Variants in SIK3 observed in about 807,000 individuals in gnomAD.
The protein encoded by SIK3 is SIK family kinase 3.
Under a neutral mutation model 144.2 loss-of-function variants are expected in SIK3, and 28 were observed. The ratio of observed to expected loss-of-function variants is 0.19; its 90% CI spans 0.14 to 0.27. The LOEUF is 0.27. SIK3 is among the 10% of genes least tolerant of loss of function. The probability of loss-of-function intolerance (pLI) is 1.00; values close to 1 mark genes in which losing one functional copy is unlikely to be tolerated. For synonymous variants in SIK3, 686 were observed against 676.3 expected (o/e 1.01, Z -0.22); for missense variants, 1,319 against 1,776.0 (o/e 0.74, Z 4.62).
intron 1 of SIK3, among the ~76,000 whole-genome samples, chr11:117,058,497 G>A (rs1953643956): frequency 7.0e-6 from 1 of 142,760 alleles, no homozygotes; most frequent in Non-Finnish European, 1.5e-5. Flanking sequence ...TCCAGCCCGG[G>A]CAACAGAGCG....
intron 21 of SIK3, among the ~76,000 whole-genome samples, chr11:116,854,006 C>A (rs1445875720): frequency 6.6e-6 from 1 of 152,166 alleles, no homozygotes; most frequent in Admixed American, 6.5e-5. Context: ...GGTGGCAAAT[C>A]GCCATCAAGG....
rs750874731 is a variant in SIK3, at chr11:116,858,725, A to T, written c.2766-26T>A. On this transcript the variant is annotated intron_variant, in intron 20 of 24. Coordinates refer to ENST00000445177, the MANE Select transcript of SIK3 (RefSeq NM_001366686.3). This position sits in a 1 kb window ranked among gnomAD's most constrained non-coding sequence, Gnocchi z 5.4. ...CTGCAGACACAAAAGGGAGTACCAG[A>T]CATCCATGTAACAAGTACTAGACTT... 4 of 1,520,840 alleles carry T rather than the reference A, an allele frequency of 2.6e-6. No individual in the cohort carries two copies. In the South Asian group the frequency reaches 5.3e-5, roughly 20 times the overall value. The allele number at this position is 1,520,840 out of a possible 1,614,324, so 94.2% of individuals were successfully genotyped here.
chr11:116,876,934 T>C lies in SIK3; in HGVS notation c.974A>G (p.Asn325Ser). Residue 325 changes from asparagine to serine, a missense_variant, in exon 7 of 25, where the codon AAC becomes AGC. Physicochemically the swap from Asn to Ser is conservative, Grantham distance 46 (BLOSUM62 1). This residue lies in a region of SIK3 where 34 missense variants were observed against 56.1 expected (regional missense o/e 0.61). Coordinates refer to ENST00000445177, the MANE Select transcript of SIK3 (RefSeq NM_001366686.3). Reference protein sequence around the residue: ...KWMKLGDADPNFDRLIAECQQ... With the variant: ...KWMKLGDADPSFDRLIAECQQ... ...CGGTTCCCAGCTCACCCTGTCAAAG[T>C]TGGGATCGGCGTCCCCTAGCTTCAT... is the stretch of plus-strand genomic sequence containing the variant. 1 of 1,614,022 alleles carries C rather than the reference T, an allele frequency of 6.2e-7. No homozygotes were observed. Among genetic ancestry groups the C allele is most frequent in the African/African-American group, 1.3e-5 (1 of 75,038 alleles).
chr11:117,095,398 G>A (rs1955431386), intron 1 of SIK3, among the ~76,000 whole-genome samples: 1 of 151,868 alleles, frequency 6.6e-6, no homozygotes, highest in South Asian at 2.1e-4. Flanking sequence ...AACAACAAAT[G>A]ACACATTCTG....
intron 24 of SIK3, among the ~76,000 whole-genome samples, chr11:116,845,901 T>G (rs898761653): frequency 6.6e-6 from 1 of 152,210 alleles, no homozygotes; most frequent in South Asian, 2.1e-4. Flanking sequence ...CTTTCTACCA[T>G]GGGCCTCTCA....
intron 1 of SIK3, among the ~76,000 whole-genome samples, chr11:117,013,915 G>GGGGTGTGTGT (rs1206309055): frequency 5.5e-4 from 13 of 23,630 alleles, no homozygotes; most frequent in Admixed American, 1.8e-3. Context: ...GGGGGGGGAG[G>GGGGTGTGTGT]GTGTGTGTGT....
chr11:116,934,546 G>A (rs746694464), intron 3 of SIK3, among the ~76,000 whole-genome samples: 1 of 152,194 alleles, frequency 6.6e-6, no homozygotes, highest in Non-Finnish European at 1.5e-5. Context: ...AGAGTTTTGA[G>A]ACAACACAAT....
chr11:117,029,090 G>A (rs1952145994), intron 1 of SIK3, among the ~76,000 whole-genome samples: 1 of 152,086 alleles, frequency 6.6e-6, no homozygotes, highest in Non-Finnish European at 1.5e-5. Flanking sequence ...GGTATTTTTA[G>A]TGGAGACAAG....
chr11:116,850,023 T>C (rs563302949), intron 21 of SIK3, among the ~76,000 whole-genome samples: 6 of 152,288 alleles, frequency 3.9e-5, no homozygotes, highest in Middle Eastern at 6.8e-3. Flanking sequence ...CCTTCAGACA[T>C]TGTCGTTTTG....
At chr11:117,038,440 T>A (rs1952605319) in intron 1 of SIK3, among the ~76,000 whole-genome samples, 2 of 150,372 alleles carry the variant, frequency 1.3e-5, no homozygotes. Flanking sequence ...CACCACAGCC[T>A]CTGCCTCCCA....
At chr11:117,042,126 G>A (rs1015296242) in intron 1 of SIK3, among the ~76,000 whole-genome samples, 2 of 152,028 alleles carry the variant, frequency 1.3e-5, no homozygotes, top group Admixed American at 6.6e-5. Context: ...AACTGACTTC[G>A]AGGGTTACAG....
At chr11:116,868,345 C>A (rs560372928) in intron 14 of SIK3, among the ~76,000 whole-genome samples, 1 of 152,328 alleles carries the variant, frequency 6.6e-6, no homozygotes, top group South Asian at 2.1e-4. Flanking sequence ...AGATCTAGCT[C>A]ACAAAGATGA....
rs1407841085 is a variant in SIK3 at position 117,056,590 on chromosome 11, TATAGATATA to T, written c.273+41544_273+41552del. 8.9e-5 allele frequency among the ~76,000 whole-genome samples: 11 copies of T among 123,138 alleles called. No homozygotes were observed. The South Asian group carries it at 2.2e-3, about 25-fold the overall frequency. The allele number at this position is 123,138 out of a possible 152,430, so 80.8% of individuals were successfully genotyped here. A position where few individuals can be genotyped will look rare whatever the true frequency, so the allele number is the denominator to read the frequency against. ...ATATAGATATAGATATAGATATAGA[TATAGATATA>T]AAGTCCCCAAGAAGAAGTGGCAGAA... On this transcript the variant is annotated intron_variant, in intron 1 of 24. Coordinates refer to ENST00000445177, the MANE Select transcript of SIK3 (RefSeq NM_001366686.3).
intron 1 of SIK3, among the ~76,000 whole-genome samples, chr11:117,058,364 A>G (rs1461572728): frequency 1.3e-5 from 2 of 152,026 alleles, no homozygotes; most frequent in East Asian, 3.9e-4. Flanking sequence ...TGCTAAAAAT[A>G]CAGAAAGTAG....
intron 4 of SIK3, among the ~76,000 whole-genome samples, chr11:116,918,566 G>C (rs1044892327): frequency 5.3e-5 from 8 of 152,126 alleles, no homozygotes; most frequent in Non-Finnish European, 1.0e-4. Flanking sequence ...AAAAGTAATA[G>C]AGAAGTCACT....
At chr11:116,940,239 T>TG (rs886190725) in intron 3 of SIK3, among the ~76,000 whole-genome samples, 1 of 151,130 alleles carries the variant, frequency 6.6e-6, no homozygotes, top group African/African-American at 2.4e-5. Flanking sequence ...TTGTTTTTTT[T>TG]TTTTTTTTGA....
intron 1 of SIK3, among the ~76,000 whole-genome samples, chr11:116,998,165 T>TAAA (rs71037438): frequency 9.2e-5 from 13 of 142,026 alleles, no homozygotes; most frequent in African/African-American, 2.6e-4. Context: ...TATGATAATT[T>TAAA]AAAAAAAAAA....
chr11:116,897,977 T>A (rs1329307019), intron 4 of SIK3, among the ~76,000 whole-genome samples: 2 of 150,744 alleles, frequency 1.3e-5, no homozygotes, highest in Non-Finnish European at 3.0e-5. Context: ...GACCCAGAAT[T>A]TTTTTTTTTA....
At chr11:116,878,771 A>G (rs1026651016) in intron 6 of SIK3, among the ~76,000 whole-genome samples, 1 of 152,106 alleles carries the variant, frequency 6.6e-6, no homozygotes, top group South Asian at 2.1e-4. Context: ...TGGCCTTTAC[A>G]TGTGTTTTTT....
Sources: allele counts gnomAD v4.1 joint callset (sites outside exome capture counted in the v4.1 genomes callset), GRCh38; gene constraint gnomAD v4.1.1; regional missense constraint gnomAD v4.1.1; non-coding constraint Gnocchi (gnomAD v3.1); transcripts MANE v1.5; gene names NCBI Gene and HGNC (gene_info 2026-07-23, HGNC 2026-07-21).